FOCAD: variants seen among roughly 807,000 people sequenced by gnomAD.
FOCAD encodes the protein focadhesin.
Under a neutral mutation model 225.6 loss-of-function variants are expected in FOCAD, and 198 were observed. The observed-to-expected ratio is 0.88, with a 90% CI of 0.78 to 0.99. FOCAD has a LOEUF of 0.99. Among genes scored for constraint, FOCAD ranks in the 50% least tolerant of loss-of-function variants. The probability of loss-of-function intolerance (pLI) is 0.00; values close to 1 mark genes in which losing one functional copy is unlikely to be tolerated. For missense variants in FOCAD, 2,713 were observed against 2,123.6 expected, an observed-to-expected ratio of 1.28 and a Z score of -5.46; for synonymous variants, 897 against 755.0, an observed-to-expected ratio of 1.19 and a Z score of -3.08.
intron 8 of FOCAD, 133 bp downstream of exon 8, chr9:20,770,371 C>T: frequency 1.3e-6 from 1 of 791,292 alleles, no homozygotes; most frequent in East Asian, 2.7e-5. Context: ...GTGCTGGCAT[C>T]TGCTTAGCTT....
intron 15 of FOCAD, among the ~76,000 whole-genome samples, chr9:20,828,159 A>G (rs539556355): frequency 3.3e-5 from 5 of 152,072 alleles, no homozygotes; most frequent in African/African-American, 1.2e-4. Context: ...TCTCAAGAAA[A>G]AAAAAAAAAA....
chr9:20,715,440 G>A (rs374044340), intron 2 of FOCAD, 30 bp downstream of exon 2: 11 of 1,412,226 alleles, frequency 7.8e-6, no homozygotes, highest in Non-Finnish European at 1.1e-5. Context: ...TTTGCTCATG[G>A]TAACAAATAA....
At chr9:20,844,305 A>G (rs569665198) in intron 15 of FOCAD, among the ~76,000 whole-genome samples, 70 of 149,226 alleles carry the variant, frequency 4.7e-4, no homozygotes, top group Non-Finnish European at 8.4e-4. Context: ...TTAGAGCTGT[A>G]ATGAGATAAA....
At chr9:20,966,962 TGTACATTTTTCTTTTTTC>T (rs1839318381) in intron 35 of FOCAD, among the ~76,000 whole-genome samples, 2 of 152,062 alleles carry the variant, frequency 1.3e-5, no homozygotes, top group Admixed American at 6.6e-5. Context: ...GCATGAGTTC[TGTACATTTTTCTTTTTTC>T]AAGATATTTT....
At chr9:20,729,005 A>G (rs1313873029) in intron 4 of FOCAD, among the ~76,000 whole-genome samples, 1 of 152,168 alleles carries the variant, frequency 6.6e-6, no homozygotes, top group Non-Finnish European at 1.5e-5. Flanking sequence ...CATCTCTTGT[A>G]TATGAGGCAG....
At chr9:20,825,406 C>T (rs1442180240) in intron 15 of FOCAD, among the ~76,000 whole-genome samples, 1 of 151,950 alleles carries the variant, frequency 6.6e-6, no homozygotes, top group Non-Finnish European at 1.5e-5. Context: ...GTCAAGGTTT[C>T]AAGAAGGAAA....
At chr9:20,855,457 T>A (rs781383812) in intron 15 of FOCAD, among the ~76,000 whole-genome samples, 5 of 151,514 alleles carry the variant, frequency 3.3e-5, no homozygotes, top group Non-Finnish European at 7.4e-5. Context: ...TATTTAAAAT[T>A]AAAAAAATTT....
chr9:20,819,971 T>A, intron 12 of FOCAD, 71 bp downstream of exon 12: 4 of 964,218 alleles, frequency 4.1e-6, no homozygotes, highest in Non-Finnish European at 6.1e-6. Context: ...CTTTTTGGTA[T>A]TATGAAATTT....
In FOCAD at chr9:20,862,724, G is replaced by C. The variant is rs757636996; in HGVS notation, c.2055+12G>C. ...CAACTGAATATGAGGTATGCATTTG[G>C]AGCTCAGCACATTGCCTGCTTCTTC... is the stretch of plus-strand genomic sequence containing the variant. On this transcript the variant is annotated intron_variant, in intron 16 of 43. Transcript: ENST00000338382. 1 of 1,607,108 alleles carries C rather than the reference G, an allele frequency of 6.2e-7. No individual in the cohort carries two copies. Among genetic ancestry groups the C allele is most frequent in the South Asian group, 1.1e-5 (1 of 89,522 alleles).
In FOCAD at chr9:20,862,740, C is replaced by T. The variant is rs746353506; in HGVS notation, c.2055+28C>T. On this transcript the variant is annotated intron_variant, in intron 16 of 43. Transcript: ENST00000338382. ...ATGCATTTGGAGCTCAGCACATTGCCTGCTTCTTCATGGGAAAGATGTGTG... is the reference window on the plus strand; with the variant it reads ...ATGCATTTGGAGCTCAGCACATTGCTTGCTTCTTCATGGGAAAGATGTGTG... 8.8e-6 allele frequency: 14 copies of T among 1,593,588 alleles called. No homozygotes were observed. In the Admixed American group the frequency reaches 1.1e-4, roughly 12 times the overall value.
At chr9:20,920,400 T>C (rs1834296292) in intron 24 of FOCAD, among the ~76,000 whole-genome samples, 1 of 126,306 alleles carries the variant, frequency 7.9e-6, no homozygotes, top group Non-Finnish European at 1.7e-5. Context: ...TGGAAGTCAG[T>C]GTGGCGATTC....
At chr9:20,824,085 G>A (rs889976618) in intron 15 of FOCAD, among the ~76,000 whole-genome samples, 3 of 152,068 alleles carry the variant, frequency 2.0e-5, no homozygotes, top group African/African-American at 7.2e-5. Flanking sequence ...TGTGTGGTAA[G>A]GACAATGCTT....
chr9:20,824,915 A>G (rs1462660048), intron 15 of FOCAD, among the ~76,000 whole-genome samples: 2 of 152,048 alleles, frequency 1.3e-5, no homozygotes, highest in Non-Finnish European at 2.9e-5. Flanking sequence ...TATTTTATTG[A>G]TGCTTACTAA....
At chr9:20,738,824 A>G (rs1827362831) in intron 4 of FOCAD, among the ~76,000 whole-genome samples, 2 of 152,238 alleles carry the variant, frequency 1.3e-5, no homozygotes, top group Admixed American at 1.3e-4. Context: ...AAAACCAGAA[A>G]TAGATTACAT....
At chr9:20,914,320 T>C (rs941779319) in intron 23 of FOCAD, among the ~76,000 whole-genome samples, 2 of 152,036 alleles carry the variant, frequency 1.3e-5, no homozygotes, top group African/African-American at 4.8e-5. Flanking sequence ...TCTTTGTCCC[T>C]CCAAAGCTTA....
intron 2 of FOCAD, among the ~76,000 whole-genome samples, chr9:20,677,399 C>T (rs1191167054): frequency 6.6e-6 from 1 of 152,048 alleles, no homozygotes; most frequent in East Asian, 1.9e-4. Flanking sequence ...AAAGCTTTTG[C>T]ACAGCAAAGG....
chr9:20,887,835 C>T (rs865949959), intron 21 of FOCAD, among the ~76,000 whole-genome samples: 5 of 152,130 alleles, frequency 3.3e-5, no homozygotes, highest in Admixed American at 2.0e-4. Flanking sequence ...GTTGCTCTGC[C>T]TTCTTGTCAG....
chr9:20,951,455 T>C (rs780043320), intron 34 of FOCAD, among the ~76,000 whole-genome samples: 2 of 152,270 alleles, frequency 1.3e-5, no homozygotes, highest in South Asian at 4.1e-4. Context: ...ACAGAGTTAA[T>C]TTGGTGACAA....
At position 20,776,280 on chromosome 9, in the gene FOCAD, C is replaced by T. The variant is rs77188307; in HGVS notation, c.907-2401C>T. Among the ~76,000 whole-genome samples, 1,167 of 152,296 alleles carry T rather than the reference C, an allele frequency of 7.7e-3. 14 individuals carry two copies. Among genetic ancestry groups the T allele is most frequent in the African/African-American group, 0.027 (1,132 of 41,548 alleles). On this transcript the variant is annotated intron_variant, in intron 8 of 43. Transcript: ENST00000338382. ...CCTTGTACTTCTAGAGTGCGCTATT[C>T]TGGGGCAGGGAGCAAGAGGTGCATG...
Sources: gnomAD v4.1 joint callset for allele counts (sites outside exome capture counted in the v4.1 genomes callset) on GRCh38, gnomAD v4.1.1 for gene constraint, MANE v1.5 for transcripts, NCBI Gene and HGNC (gene_info 2026-07-23, HGNC 2026-07-21) for gene names.